Variants in EVC2 observed in about 807,000 individuals in gnomAD.
EVC2 encodes EvC ciliary complex subunit 2.
EVC2 carries 148 observed loss-of-function variants against 149.3 expected under a neutral mutation model. That is an observed-to-expected ratio of 0.99 (90% CI 0.87 to 1.14). The LOEUF (loss-of-function observed/expected upper bound fraction) is 1.14. Ranked by LOEUF, EVC2 falls within the 50% of genes most tolerant of loss-of-function variation. EVC2 has a pLI of 0.00. For synonymous variants in EVC2, 776 were observed against 649.9 expected (o/e 1.19, Z -2.95); for missense variants, 1,854 against 1,627.3 (o/e 1.14, Z -2.40).
intron 21 of EVC2, among the ~76,000 whole-genome samples, chr4:5,552,034 G>A (rs547052220): frequency 8.5e-5 from 13 of 152,278 alleles, no homozygotes; most frequent in East Asian, 1.9e-4. Flanking sequence ...TATCAGCGGC[G>A]TGAAAATAGG....
chr4:5,599,320 C>T (rs1713760078), intron 16 of EVC2, among the ~76,000 whole-genome samples: 1 of 151,850 alleles, frequency 6.6e-6, no homozygotes, highest in African/African-American at 2.4e-5. Flanking sequence ...TGGAACCAAC[C>T]CAAATGGCCA....
chr4:5,649,518 T>A (rs1472397543), intron 9 of EVC2, among the ~76,000 whole-genome samples: 1 of 152,140 alleles, frequency 6.6e-6, no homozygotes, highest in Non-Finnish European at 1.5e-5. Flanking sequence ...TTCTTCTTAT[T>A]TCACATAAAA....
At chr4:5,641,726 G>C (rs147367483) in intron 9 of EVC2, among the ~76,000 whole-genome samples, 131 of 152,242 alleles carry the variant, frequency 8.6e-4, no homozygotes, top group African/African-American at 2.9e-3. Flanking sequence ...TTCATTCACT[G>C]TGAATCCACC....
Position 5,614,990 on chromosome 4 carries a change from C to A in EVC2, c.2829+432G>T, listed in dbSNP as rs10010687. On this transcript the variant is annotated intron_variant, in intron 16 of 21. Coordinates refer to ENST00000344408, the MANE Select transcript of EVC2 (RefSeq NM_147127.5). The surrounding 1 kb of genome is among the most constrained non-coding windows in gnomAD (Gnocchi z 4.7). ...AGACTCCATTTCAAAAAAACCAAAA[C>A]CAAACAAACAAAAAAAAATGGGGCT... is the stretch of plus-strand genomic sequence containing the variant. 0.4 allele frequency among the ~76,000 whole-genome samples: 61,258 copies of A among 151,724 alleles called. 14,416 individuals carry two copies. The highest frequency in any genetic ancestry group is 0.65 in the African/African-American group (26,665 of 41,338).
At chr4:5,621,603 C>T (rs1715694369) in intron 14 of EVC2, among the ~76,000 whole-genome samples, 1 of 152,182 alleles carries the variant, frequency 6.6e-6, no homozygotes, top group African/African-American at 2.4e-5. Context: ...CAAAAGGCTC[C>T]CTTCCTGGGC....
the EVC2 span, among the ~76,000 whole-genome samples, chr4:5,532,006 G>C: frequency 6.6e-6 from 1 of 151,948 alleles, no homozygotes; most frequent in East Asian, 1.9e-4. Context: ...GTATTGTCTG[G>C]GGAATCACGA....
intron 16 of EVC2, among the ~76,000 whole-genome samples, chr4:5,608,953 T>C (rs1577151646): frequency 6.6e-6 from 1 of 152,104 alleles, no homozygotes; most frequent in African/African-American, 2.4e-5. Flanking sequence ...GAATTCTCTT[T>C]CTCTTCCGGA....
intron 1 of EVC2, among the ~76,000 whole-genome samples, chr4:5,706,170 C>G (rs903420136): frequency 2.0e-5 from 3 of 151,958 alleles, no homozygotes; most frequent in Non-Finnish European, 2.9e-5. Flanking sequence ...ACTAAATGAC[C>G]TCCTTCCTCC....
At chr4:5,692,633 C>T (rs562039825) in intron 3 of EVC2, among the ~76,000 whole-genome samples, 34 of 150,632 alleles carry the variant, frequency 2.3e-4, no homozygotes, top group African/African-American at 8.1e-4. Flanking sequence ...TTTGGGAGGC[C>T]GAGGCGGGTG....
At position 5,708,294 on chromosome 4, in the gene EVC2, T is replaced by C; in HGVS notation, c.220A>G (p.Ser74Gly). ...GGTCGGGCCCTCCTTACCTGCGTGC[T>C]GCTCTCGGGCCCCGCCCCGCTCCGC... ...PGRSGAGPESSTQDLPCMIWP... is the reference protein window; with the variant it reads ...PGRSGAGPESGTQDLPCMIWP... The change falls in exon 1 of 22, where the codon AGC becomes GGC. Residue 74 changes from serine to glycine, a missense_variant. By Grantham distance (56) the Ser-to-Gly change is moderately conservative (BLOSUM62 0). Transcript: ENST00000344408. The C allele has an allele frequency of 6.8e-7, 1 of 1,475,390 alleles. No individual in the cohort carries two copies. The highest frequency in any genetic ancestry group is 2.8e-5 in the East Asian group (1 of 35,404). The allele number at this position is 1,475,390 out of a possible 1,614,324, so 91.4% of individuals were successfully genotyped here. A position where few individuals can be genotyped will look rare whatever the true frequency, so the allele number is the denominator to read the frequency against.
chr4:5,701,441 C>T (rs531820675), intron 1 of EVC2, among the ~76,000 whole-genome samples: 48 of 152,298 alleles, frequency 3.2e-4, no homozygotes, highest in African/African-American at 1.1e-3. Context: ...GCCCCTTTCT[C>T]CCTTCCTGAA....
At position 5,660,765 on chromosome 4, in the gene EVC2, T is replaced by C. The variant is rs551055238; in HGVS notation, c.1145+2342A>G. Among the ~76,000 whole-genome samples the C allele has an allele frequency of 3.5e-4, 53 of 152,228 alleles. 1 individual carries two copies. The South Asian group carries it at 9.7e-3, about 28-fold the overall frequency. ...GGTTACGGGTTCCCCATTTGAGAGA[T>C]GAGAAAACTAGGCTCAGAGAATGTC... On this transcript the variant is annotated intron_variant, in intron 9 of 21. Transcript: ENST00000344408.
intron 16 of EVC2, among the ~76,000 whole-genome samples, chr4:5,595,083 T>G (rs1577133585): frequency 6.6e-6 from 1 of 152,200 alleles, no homozygotes; most frequent in Non-Finnish European, 1.5e-5. Context: ...AGACCAAATG[T>G]ACGTCTGATT....
At position 5,640,451 on chromosome 4, in the gene EVC2, T is replaced by C. The variant is rs1190377301; in HGVS notation, c.1470+63A>G. The C allele has an allele frequency of 3.7e-6, 6 of 1,600,708 alleles. No individual in the cohort carries two copies. Among genetic ancestry groups the C allele is most frequent in the Non-Finnish European group, 4.3e-6 (5 of 1,168,202 alleles). ...GCAAATGGACAGATGAGTGGGTAGA[T>C]GGATAAATGACAAATCCCTGAGAGA... On this transcript the variant is annotated intron_variant, in intron 10 of 21. Coordinates refer to ENST00000344408, the MANE Select transcript of EVC2 (RefSeq NM_147127.5). The surrounding 1 kb of genome is among the most constrained non-coding windows in gnomAD (Gnocchi z 4.6).
intron 9 of EVC2, among the ~76,000 whole-genome samples, chr4:5,651,954 CAA>C (rs910917940): frequency 2.6e-5 from 4 of 152,230 alleles, no homozygotes; most frequent in Non-Finnish European, 5.9e-5. Flanking sequence ...CAGGCGATCA[CAA>C]AATATCACCA....
rs200140401 is a variant in EVC2, at chr4:5,625,907, C to T, written c.1888G>A (p.Ala630Thr). 1.3e-4 allele frequency: 214 copies of T among 1,613,916 alleles called. 1 individual carries two copies. The East Asian group carries it at 2.4e-3, about 18-fold the overall frequency. Residue 630 changes from alanine (A) to threonine (T), a missense_variant and splice_region_variant, in exon 13 of 22, where the codon GCA becomes ACA. Transcript: ENST00000344408. This position sits in a 1 kb window ranked among gnomAD's most constrained non-coding sequence, Gnocchi z 4.0. The stretch of plus-strand genomic sequence containing the variant: ...ATTTGGTCTTCATCCAGGTACCCTG[C>T]TCTAGATGGAAAGGATGTAAAGTTA... ...LTHLIQKHER[A>T]GYLDEDQMEM...
intron 3 of EVC2, 38 bp downstream of exon 3, chr4:5,694,297 T>G (rs1158661338): frequency 6.2e-7 from 1 of 1,610,036 alleles, no homozygotes. Context: ...ATTTCCAACT[T>G]CTGGTATTTG....
At chr4:5,647,999 G>C (rs1717849306) in intron 9 of EVC2, among the ~76,000 whole-genome samples, 2 of 152,188 alleles carry the variant, frequency 1.3e-5, no homozygotes, top group South Asian at 4.1e-4. Context: ...GCCAGGAAGG[G>C]AACGTCCCCT....
At chr4:5,597,386 A>T (rs1047946495) in intron 16 of EVC2, among the ~76,000 whole-genome samples, 1 of 152,220 alleles carries the variant, frequency 6.6e-6, no homozygotes, top group Non-Finnish European at 1.5e-5. Flanking sequence ...AGTGGGCTTC[A>T]TCCCTGGGAT....
Sources: gnomAD v4.1 joint callset for allele counts (sites outside exome capture counted in the v4.1 genomes callset) on GRCh38, gnomAD v4.1.1 for gene constraint, Gnocchi (gnomAD v3.1) non-coding constraint, MANE v1.5 for transcripts, NCBI Gene and HGNC (gene_info 2026-07-23, HGNC 2026-07-21) for gene names.